Variants in FSTL1 observed in about 807,000 individuals in gnomAD.
FSTL1 encodes the protein follistatin like 1.
FSTL1 carries 24 observed loss-of-function variants against 45.9 expected under a neutral mutation model. The observed-to-expected ratio is 0.52, with a 90% CI of 0.38 to 0.74. FSTL1 has a LOEUF of 0.74. Ranked by LOEUF, FSTL1 falls within the 30% of genes least tolerant of loss-of-function variation. The pLI is 0.00. For missense variants in FSTL1, 340 were observed against 381.8 expected (o/e 0.89, Z 0.91); for synonymous variants, 120 against 137.6 (o/e 0.87, Z 0.89).
chr3:120,396,002 C>T lies in FSTL1; in HGVS notation c.*950G>A. On this transcript the variant is annotated 3_prime_UTR_variant, in exon 11 of 11. Coordinates refer to ENST00000295633, the MANE Select transcript of FSTL1 (RefSeq NM_007085.5). ...AAAGTTTTTTATGAAGATGCTTCTT[C>T]CCCTGGCTTCGGTCTAAGGCACCCT... 1 of 287,602 alleles carries T rather than the reference C, an allele frequency of 3.5e-6. No homozygotes were observed. Among genetic ancestry groups the T allele is most frequent in the Non-Finnish European group, 6.6e-6 (1 of 151,720 alleles). The allele number at this position is 287,602 out of a possible 1,614,324, so 17.8% of individuals were successfully genotyped here. A position where few individuals can be genotyped will look rare whatever the true frequency, so the allele number is the denominator to read the frequency against.
At chr3:120,433,785 C>G (rs1404737524) in intron 2 of FSTL1, among the ~76,000 whole-genome samples, 1 of 151,988 alleles carries the variant, frequency 6.6e-6, no homozygotes, top group Non-Finnish European at 1.5e-5. Context: ...GCAATTCAGA[C>G]GAAAGTAGAA....
At chr3:120,399,748 T>A in intron 10 of FSTL1, 135 bp downstream of exon 10, 1 of 634,660 alleles carries the variant, frequency 1.6e-6, no homozygotes, top group Non-Finnish European at 2.8e-6. Context: ...GTACAGGTGA[T>A]GGGGTATCAC....
At chr3:120,414,415 G>T (rs1937147824) in intron 3 of FSTL1, among the ~76,000 whole-genome samples, 1 of 152,144 alleles carries the variant, frequency 6.6e-6, no homozygotes, top group Non-Finnish European at 1.5e-5. Context: ...GAGATGTGGG[G>T]AGCGCCTCTG....
chr3:120,418,515 A>G (rs1937225052), intron 2 of FSTL1, among the ~76,000 whole-genome samples: 2 of 152,262 alleles, frequency 1.3e-5, no homozygotes, highest in Non-Finnish European at 2.9e-5. Flanking sequence ...AAATAACTAG[A>G]AAGTGGCAGA....
intron 9 of FSTL1, among the ~76,000 whole-genome samples, chr3:120,400,708 C>T (rs908249099): frequency 3.9e-5 from 6 of 152,182 alleles, no homozygotes; most frequent in Non-Finnish European, 7.3e-5. Context: ...AATTTTGATG[C>T]CCCTTCTTGC....
chr3:120,442,788 GAAAAAA>G (rs749297340), intron 2 of FSTL1, among the ~76,000 whole-genome samples: 1 of 53,252 alleles, frequency 1.9e-5, no homozygotes, highest in African/African-American at 7.7e-5. Context: ...TCTCAAAAAA[GAAAAAA>G]AAAAAAAAAA....
At chr3:120,403,942 A>AAC (rs1936887772) in intron 7 of FSTL1, among the ~76,000 whole-genome samples, 1 of 119,356 alleles carries the variant, frequency 8.4e-6, no homozygotes, top group South Asian at 2.8e-4. Flanking sequence ...AAAAAAAAAA[A>AAC]AACAAAAACA....
chr3:120,437,982 C>A (rs2107669740), intron 2 of FSTL1, among the ~76,000 whole-genome samples: 1 of 152,182 alleles, frequency 6.6e-6, no homozygotes, highest in South Asian at 2.1e-4. Flanking sequence ...GCCAGGGGAG[C>A]AGGGCAGGCA....
chr3:120,429,466 A>G (rs1488797918), intron 2 of FSTL1, among the ~76,000 whole-genome samples: 1 of 152,234 alleles, frequency 6.6e-6, no homozygotes, highest in Admixed American at 6.5e-5. Flanking sequence ...ACTGTGACAC[A>G]TGGTCACCTT....
intron 2 of FSTL1, among the ~76,000 whole-genome samples, chr3:120,448,041 C>A (rs893263574): frequency 1.3e-5 from 2 of 152,208 alleles, no homozygotes; most frequent in African/African-American, 2.4e-5. Flanking sequence ...CACCTTTTCC[C>A]AAGTGGAGAG....
At chr3:120,428,696 T>C (rs1937426487) in intron 2 of FSTL1, among the ~76,000 whole-genome samples, 1 of 152,168 alleles carries the variant, frequency 6.6e-6, no homozygotes, top group African/African-American at 2.4e-5. Flanking sequence ...ATTGCACCAC[T>C]GTCCTCCAGC....
rs574520988 is a variant in FSTL1 at position 120,444,880 on chromosome 3, G to A, written c.63+5804C>T. ...AATTAAATTATAATCATTTGCCGGCGCTTCAAAATGTTTTTGTAAATGCTT... is the reference window on the plus strand; with the variant it reads ...AATTAAATTATAATCATTTGCCGGCACTTCAAAATGTTTTTGTAAATGCTT... On this transcript the variant is annotated intron_variant, in intron 2 of 10. Transcript: ENST00000295633. 2.3e-4 allele frequency among the ~76,000 whole-genome samples: 34 copies of A among 149,736 alleles called. 4 individuals are homozygous for A. The highest frequency in any genetic ancestry group is 7.2e-4 in the African/African-American group (28 of 39,134).
At position 120,403,211 on chromosome 3, in the gene FSTL1, T is replaced by A. The variant is rs755494176; in HGVS notation, c.694+31A>T. ...GCTCCTACAAAATGCCTCCATTCAC[T>A]ACAGCTCTCTATTTCTTAGGTTAGG... is the stretch of plus-strand genomic sequence containing the variant. On this transcript the variant is annotated intron_variant, in intron 8 of 10. Coordinates refer to ENST00000295633, the MANE Select transcript of FSTL1 (RefSeq NM_007085.5). 3.3e-6 allele frequency: 4 copies of A among 1,218,046 alleles called. No homozygotes were observed. The Admixed American group carries it at 6.7e-5, about 20-fold the overall frequency. The allele number at this position is 1,218,046 out of a possible 1,614,324, so 75.5% of individuals were successfully genotyped here.
intron 10 of FSTL1, among the ~76,000 whole-genome samples, chr3:120,399,373 C>G (rs1294041668): frequency 6.6e-6 from 1 of 152,190 alleles, no homozygotes; most frequent in Non-Finnish European, 1.5e-5. Context: ...TAACCCCAGG[C>G]TATTTTCTAG....
chr3:120,438,165 T>C (rs561887601), intron 2 of FSTL1: 1 of 152,368 alleles, frequency 6.6e-6, no homozygotes, highest in African/African-American at 2.4e-5. Context: ...AAAGAAAATG[T>C]GAACATTTAC....
At chr3:120,443,137 C>T (rs1937661166) in intron 2 of FSTL1, among the ~76,000 whole-genome samples, 1 of 149,310 alleles carries the variant, frequency 6.7e-6, no homozygotes. Context: ...AAGCTGCCAT[C>T]TACTGGACAT....
At chr3:120,442,618 A>G (rs1937645849) in intron 2 of FSTL1, among the ~76,000 whole-genome samples, 2 of 151,684 alleles carry the variant, frequency 1.3e-5, no homozygotes, top group Non-Finnish European at 2.9e-5. Flanking sequence ...CATCTCTACT[A>G]AAAACACAAA....
chr3:120,427,983 C>A (rs771548225), intron 2 of FSTL1, among the ~76,000 whole-genome samples: 3 of 151,908 alleles, frequency 2.0e-5, no homozygotes, highest in Non-Finnish European at 4.4e-5. Context: ...GCAGGAGAAA[C>A]TGTGGAAATG....
chr3:120,435,896 A>G (rs1461142188), intron 2 of FSTL1, among the ~76,000 whole-genome samples: 3 of 152,204 alleles, frequency 2.0e-5, no homozygotes, highest in Admixed American at 1.3e-4. Context: ...CCATGGAGCA[A>G]CTTAAACAGG....
Sources: allele counts gnomAD v4.1 joint callset (sites outside exome capture counted in the v4.1 genomes callset), GRCh38; gene constraint gnomAD v4.1.1; transcripts MANE v1.5; gene names NCBI Gene and HGNC (gene_info 2026-07-23, HGNC 2026-07-21).